The following TPCN1 variants were observed in gnomAD, a reference collection of about 807,000 sequenced individuals.
TPCN1 encodes the protein two pore segment channel 1.
Under a neutral mutation model 108.8 loss-of-function variants are expected in TPCN1, and 52 were observed. The observed-to-expected ratio is 0.48, with a 90% confidence interval of 0.38 to 0.60. The LOEUF is 0.60. Ranked by LOEUF, TPCN1 falls within the 20% of genes least tolerant of loss-of-function variation. The pLI is 0.00. For missense variants in TPCN1, 806 were observed against 1,072.8 expected, an observed-to-expected ratio of 0.75 and a Z score of 3.47; for synonymous variants, 446 against 433.7, an observed-to-expected ratio of 1.03 and a Z score of -0.35.
Position 113,232,194 on chromosome 12 carries a change from A to G in TPCN1, c.112+5230A>G, listed in dbSNP as rs1191311466. Among the ~76,000 whole-genome samples the G allele has an allele frequency of 2.0e-5, 3 of 152,246 alleles. No individual in the cohort carries two copies. The highest frequency in any genetic ancestry group is 4.4e-5 in the Non-Finnish European group (3 of 68,040). ...TGACAGGTCCTGCAGCTAAGGCCCA[A>G]GGTCACAGCGCAGAGAGCTGACCTC... On this transcript the variant is annotated intron_variant, in intron 2 of 27. Coordinates refer to ENST00000335509, the MANE Select transcript of TPCN1 (RefSeq NM_017901.6). This position sits in a 1 kb window ranked among gnomAD's most constrained non-coding sequence, Gnocchi z 5.6.
chr12:113,230,240 A>G (rs930867148), intron 2 of TPCN1, among the ~76,000 whole-genome samples: 3 of 149,728 alleles, frequency 2.0e-5, no homozygotes, highest in Non-Finnish European at 3.0e-5. Flanking sequence ...GTAATTACAC[A>G]TTTAACCATC....
chr12:113,293,654 G>A (rs114824008), intron 27 of TPCN1, among the ~76,000 whole-genome samples: 70 of 152,274 alleles, frequency 4.6e-4, no homozygotes, highest in African/African-American at 1.6e-3. Context: ...TCAAACATGT[G>A]TACTAAGAAA....
At chr12:113,225,286 T>G in intron 1 of TPCN1, 1 of 451,494 alleles carries the variant, frequency 2.2e-6, no homozygotes, top group Non-Finnish European at 4.4e-6. Context: ...CTTGAACTGC[T>G]AGGCTCAAGC....
chr12:113,276,577 C>G (rs1366163012), intron 10 of TPCN1, among the ~76,000 whole-genome samples: 3 of 152,174 alleles, frequency 2.0e-5, no homozygotes, highest in Admixed American at 6.5e-5. Context: ...CCTCTTGCTA[C>G]TCTCTCCTCC....
In TPCN1 at chr12:113,226,762, C is replaced by T. The variant is rs1279808374; in HGVS notation, c.-91C>T. 1 of 1,590,220 alleles carries T rather than the reference C, an allele frequency of 6.3e-7. No homozygotes were observed. The highest frequency in any genetic ancestry group is 1.3e-5 in the African/African-American group (1 of 74,490). On this transcript the variant is annotated 5_prime_UTR_variant, in exon 2 of 28. Transcript: ENST00000335509. ...CTAATGGAGGAGTTTCTGAGCAGCA[C>T]CCCTGGCCCAGTGGCTTTGAAAGGG...
At chr12:113,292,088 A>G (rs951079923) in intron 25 of TPCN1, 130 bp downstream of exon 25, 8 of 747,422 alleles carry the variant, frequency 1.1e-5, no homozygotes, top group South Asian at 3.0e-5. Context: ...CAGCTTATCT[A>G]TCTGGCTTGT....
rs1273421145 is a variant in TPCN1 at position 113,268,606 on chromosome 12, A to G, written c.529-136A>G. On this transcript the variant is annotated intron_variant, in intron 5 of 27. Transcript: ENST00000335509. This position sits in a 1 kb window ranked among gnomAD's most constrained non-coding sequence, Gnocchi z 7.3. ...CTGGGGCTGCCTGATGTTGGCAGGA[A>G]GTGTGAGAGGGCTGGAGAGAGGAGA... 1.0e-5 allele frequency: 11 copies of G among 1,055,570 alleles called. No homozygotes were observed. Among genetic ancestry groups the G allele is most frequent in the Non-Finnish European group, 1.5e-5 (11 of 743,458 alleles). 65.4% of individuals were successfully genotyped at this position (1,055,570 alleles called of 1,614,324 possible).
At chr12:113,262,287 C>T (rs905749288) in intron 3 of TPCN1, among the ~76,000 whole-genome samples, 4 of 151,868 alleles carry the variant, frequency 2.6e-5, no homozygotes, top group African/African-American at 4.8e-5. Flanking sequence ...TGTGTACCCT[C>T]TAGTTCTAGC....
At chr12:113,252,343 G>T (rs1284657350) in intron 2 of TPCN1, among the ~76,000 whole-genome samples, 2 of 152,198 alleles carry the variant, frequency 1.3e-5, no homozygotes, top group African/African-American at 4.8e-5. Flanking sequence ...GGTATAAGTG[G>T]TAAGGGATAG....
chr12:113,241,427 C>A (rs1385249282), intron 2 of TPCN1, among the ~76,000 whole-genome samples: 1 of 152,232 alleles, frequency 6.6e-6, no homozygotes, highest in Non-Finnish European at 1.5e-5. Context: ...AGCCAGCCCC[C>A]AGGTGTTTCT....
intron 2 of TPCN1, among the ~76,000 whole-genome samples, chr12:113,234,441 A>T (rs967829372): frequency 1.3e-5 from 2 of 152,144 alleles, no homozygotes; most frequent in Non-Finnish European, 1.5e-5. Context: ...GAGGGCAGTG[A>T]TCCTCTGAGG....
intron 15 of TPCN1, among the ~76,000 whole-genome samples, chr12:113,281,102 T>G (rs1383309910): frequency 2.0e-5 from 3 of 152,142 alleles, no homozygotes; most frequent in Non-Finnish European, 2.9e-5. Flanking sequence ...CAGGCTAGCG[T>G]AATCTGTGCT....
rs910738744 is a variant in TPCN1, at chr12:113,297,068, A to C, written c.*992A>C. Reference sequence around the variant, plus strand: ...CGTGGCCCCGGCCCAGTTCCCAGCCACCCTCCCTGGCTCTGCTCACACCAG... The same window carrying C: ...CGTGGCCCCGGCCCAGTTCCCAGCCCCCCTCCCTGGCTCTGCTCACACCAG... On this transcript the variant is annotated 3_prime_UTR_variant, in exon 28 of 28. Coordinates refer to ENST00000335509, the MANE Select transcript of TPCN1 (RefSeq NM_017901.6). The surrounding 1 kb of genome is among the most constrained non-coding windows in gnomAD (Gnocchi z 4.4). 6.6e-6 allele frequency: 1 copy of C among 151,628 alleles called. No individual in the cohort carries two copies. The highest frequency in any genetic ancestry group is 2.4e-5 in the African/African-American group (1 of 41,130). The allele number at this position is 151,628 out of a possible 1,614,324, so 9.4% of individuals were successfully genotyped here.
At chr12:113,225,334 C>T in intron 1 of TPCN1, 1 of 432,054 alleles carries the variant, frequency 2.3e-6, no homozygotes, top group Non-Finnish European at 4.7e-6. Flanking sequence ...GCTGAGATTA[C>T]AGGTGGGAGC....
At chr12:113,275,213 G>A (rs997383461) in intron 10 of TPCN1, among the ~76,000 whole-genome samples, 1 of 152,156 alleles carries the variant, frequency 6.6e-6, no homozygotes, top group Non-Finnish European at 1.5e-5. Context: ...TTTCCAGGTA[G>A]ACTTGTGAAA....
intron 2 of TPCN1, chr12:113,245,976 T>C (rs529023559): frequency 4.4e-6 from 2 of 456,124 alleles, no homozygotes; most frequent in East Asian, 1.4e-4. Flanking sequence ...TCATTTCCGA[T>C]GTGGCGTGCA....
intron 15 of TPCN1, among the ~76,000 whole-genome samples, chr12:113,281,706 T>C (rs921668098): frequency 6.6e-5 from 10 of 152,050 alleles, no homozygotes; most frequent in Admixed American, 5.9e-4. Flanking sequence ...ACCTGGCTAA[T>C]TTTTTAATTT....
chr12:113,271,859 G>A (rs1721567574), intron 7 of TPCN1, among the ~76,000 whole-genome samples: 1 of 152,156 alleles, frequency 6.6e-6, no homozygotes, highest in South Asian at 2.1e-4. Context: ...TTTCAGGTGG[G>A]GCTGACTGTG....
chr12:113,268,901 C>A lies in TPCN1; in HGVS notation c.659+29C>A. 1 of 1,612,754 alleles carries A rather than the reference C, an allele frequency of 6.2e-7. No homozygotes were observed. Among genetic ancestry groups the A allele is most frequent in the South Asian group, 1.1e-5 (1 of 90,898 alleles). Reference sequence around the variant, plus strand: ...AGGCCCGGGTGGGGAGCTGGGCAGTCACTATCCTGGCATGGCCTGACCTCT... The same window carrying A: ...AGGCCCGGGTGGGGAGCTGGGCAGTAACTATCCTGGCATGGCCTGACCTCT... On this transcript the variant is annotated intron_variant, in intron 6 of 27. Transcript: ENST00000335509. This position sits in a 1 kb window ranked among gnomAD's most constrained non-coding sequence, Gnocchi z 7.3.
Sources: allele counts gnomAD v4.1 joint callset (sites outside exome capture counted in the v4.1 genomes callset), GRCh38; gene constraint gnomAD v4.1.1; non-coding constraint Gnocchi (gnomAD v3.1); transcripts MANE v1.5; gene names NCBI Gene and HGNC (gene_info 2026-07-23, HGNC 2026-07-21).